The following FILIP1 variants were observed in gnomAD, a reference collection of about 807,000 sequenced individuals.
FILIP1 encodes the protein filamin-A-interacting protein 1.
Under a neutral mutation model 102.1 loss-of-function variants are expected in FILIP1, and 61 were observed. The observed-to-expected ratio is 0.60, with a 90% CI of 0.49 to 0.74. The LOEUF (loss-of-function observed/expected upper bound fraction) is 0.74. Ranked by LOEUF, FILIP1 falls within the 30% of genes least tolerant of loss-of-function variation. The pLI is 0.00. For synonymous variants in FILIP1, 491 were observed against 526.9 expected, an observed-to-expected ratio of 0.93 and a Z score of 0.93; for missense variants, 1,314 against 1,441.2, an observed-to-expected ratio of 0.91 and a Z score of 1.43.
intron 1 of FILIP1, among the ~76,000 whole-genome samples, chr6:75,491,692 T>C (rs1053546664): frequency 3.3e-5 from 5 of 152,134 alleles, no homozygotes; most frequent in Non-Finnish European, 7.4e-5. Context: ...CAGATCTGCA[T>C]TGTAGTGGAG....
intron 2 of FILIP1, among the ~76,000 whole-genome samples, chr6:75,377,752 C>T: frequency 6.6e-6 from 1 of 152,218 alleles, no homozygotes; most frequent in Non-Finnish European, 1.5e-5. Context: ...TGTGCTTCTT[C>T]TTTTCAAAGC....
chr6:75,344,141 T>C (rs1774502634), intron 4 of FILIP1, among the ~76,000 whole-genome samples: 2 of 152,178 alleles, frequency 1.3e-5, no homozygotes, highest in Admixed American at 1.3e-4. Flanking sequence ...AGAATTTCTA[T>C]GTTCTGGTGT....
At position 75,412,028 on chromosome 6, in the gene FILIP1, T is replaced by C. The variant is rs565470744; in HGVS notation, c.276+2669A>G. ...GGGCAGTGTGGCCATTTTCATGATA[T>C]TGATTCTTCCTATCCATGAGCATGG... On this transcript the variant is annotated intron_variant, in intron 2 of 5. Coordinates refer to ENST00000237172, the MANE Select transcript of FILIP1 (RefSeq NM_015687.5). Among the ~76,000 whole-genome samples, 34 of 152,326 alleles carry C rather than the reference T, an allele frequency of 2.2e-4. 1 individual carries two copies. The highest frequency in any genetic ancestry group is 1.6e-3 in the Admixed American group (24 of 15,300).
intron 2 of FILIP1, among the ~76,000 whole-genome samples, chr6:75,378,404 A>C (rs1003602580): frequency 1.7e-4 from 26 of 152,256 alleles, no homozygotes; most frequent in African/African-American, 6.3e-4. Context: ...GAGGGCAGAC[A>C]AAAGCCTGTT....
chr6:75,344,239 G>A (rs567525973), intron 4 of FILIP1, among the ~76,000 whole-genome samples: 2 of 152,196 alleles, frequency 1.3e-5, no homozygotes, highest in South Asian at 2.1e-4. Flanking sequence ...TGTCTCATGA[G>A]GGTCTCAATG....
intron 3 of FILIP1, among the ~76,000 whole-genome samples, chr6:75,356,019 A>G (rs966419333): frequency 6.6e-6 from 1 of 152,128 alleles, no homozygotes; most frequent in African/African-American, 2.4e-5. Flanking sequence ...CTGTGTGACA[A>G]TCAAACCATC....
chr6:75,425,465 C>T (rs1777597829), intron 1 of FILIP1, among the ~76,000 whole-genome samples: 1 of 152,212 alleles, frequency 6.6e-6, no homozygotes, highest in African/African-American at 2.4e-5. Flanking sequence ...CACATAATGG[C>T]TCTTAGACTC....
chr6:75,474,349 T>A (rs1779413444), intron 1 of FILIP1, among the ~76,000 whole-genome samples: 1 of 152,190 alleles, frequency 6.6e-6, no homozygotes, highest in African/African-American at 2.4e-5. Context: ...GTTTCTAACT[T>A]TTCACTGTAA....
At chr6:75,388,081 A>G (rs1187854430) in intron 2 of FILIP1, among the ~76,000 whole-genome samples, 4 of 152,166 alleles carry the variant, frequency 2.6e-5, no homozygotes, top group African/African-American at 7.2e-5. Flanking sequence ...GAAGGGGTCC[A>G]GTTTCAGTTT....
Position 75,314,749 on chromosome 6 carries a change from T to A in FILIP1, c.1083A>T (p.Glu361Asp). The change falls in exon 5 of 6, where the codon GAA becomes GAT. Residue 361 changes from glutamate (E) to aspartate (D), a missense_variant. Coordinates refer to ENST00000237172, the MANE Select transcript of FILIP1 (RefSeq NM_015687.5). ...CTCCTTTGGCAATTTTATCTCTTAATTCTTGAAGTTCTTCCTCTGCCTTCT... is the reference window on the plus strand; with the variant it reads ...CTCCTTTGGCAATTTTATCTCTTAAATCTTGAAGTTCTTCCTCTGCCTTCT... ...NLQKAEEELQ[E>D]LRDKIAKGEC... 6.2e-7 allele frequency: 1 copy of A among 1,614,196 alleles called. No homozygotes were observed. The highest frequency in any genetic ancestry group is 8.5e-7 in the Non-Finnish European group (1 of 1,180,022).
At chr6:75,424,162 T>G (rs1355707365) in intron 1 of FILIP1, among the ~76,000 whole-genome samples, 1 of 152,174 alleles carries the variant, frequency 6.6e-6, no homozygotes, top group East Asian at 1.9e-4. Context: ...AACACAGGTC[T>G]GTTTGGATTC....
intron 2 of FILIP1, among the ~76,000 whole-genome samples, chr6:75,392,527 A>T (rs1156802165): frequency 6.6e-6 from 1 of 152,194 alleles, no homozygotes; most frequent in Non-Finnish European, 1.5e-5. Context: ...TTGCTCAGGC[A>T]AACAACCTTG....
At chr6:75,327,632 G>A (rs1773914872) in intron 4 of FILIP1, among the ~76,000 whole-genome samples, 1 of 150,514 alleles carries the variant, frequency 6.6e-6, no homozygotes, top group African/African-American at 2.4e-5. Flanking sequence ...ACACTCTCCA[G>A]ATCTCCCTCA....
intron 4 of FILIP1, among the ~76,000 whole-genome samples, chr6:75,338,850 G>T (rs1242259582): frequency 6.6e-6 from 1 of 152,032 alleles, no homozygotes; most frequent in African/African-American, 2.4e-5. Flanking sequence ...GGAATGCGGG[G>T]AACAAAAACT....
chr6:75,306,512 C>T (rs983497811), downstream of FILIP1, among the ~76,000 whole-genome samples: 5 of 152,182 alleles, frequency 3.3e-5, no homozygotes, highest in South Asian at 2.1e-4. Flanking sequence ...AAATACTTCA[C>T]AAATGTCAGG....
Position 75,353,657 on chromosome 6 carries a change from G to GC in FILIP1, c.510dup (p.Leu171AlafsTer7), listed in dbSNP as rs775544032. On this transcript the variant is annotated frameshift_variant, in exon 4 of 6. Transcript: ENST00000237172. LOFTEE classifies it high-confidence loss of function. ...GTGCGCCTATGACACTTCTCGGCCA[G>GC]CAACAGCTGCTCTAGCATGCGCCGG... The GC allele has an allele frequency of 6.2e-7, 1 of 1,614,134 alleles. No homozygotes were observed. The highest frequency in any genetic ancestry group is 2.2e-5 in the East Asian group (1 of 44,890).
At chr6:75,458,588 G>C (rs1014345598) in intron 1 of FILIP1, 6 of 152,126 alleles carry the variant, frequency 3.9e-5, no homozygotes, top group Admixed American at 3.9e-4. Flanking sequence ...TTCTCCAATA[G>C]AAAACATCAG....
chr6:75,489,907 A>T (rs1355664476), intron 1 of FILIP1, among the ~76,000 whole-genome samples: 1 of 151,882 alleles, frequency 6.6e-6, no homozygotes, highest in Non-Finnish European at 1.5e-5. Flanking sequence ...TTTTCTCTTA[A>T]ACCTTTCTGT....
At chr6:75,353,357 G>T (rs962663028) in intron 4 of FILIP1, among the ~76,000 whole-genome samples, 182 bp downstream of exon 4, 3 of 152,198 alleles carry the variant, frequency 2.0e-5, no homozygotes, top group Non-Finnish European at 4.4e-5. Context: ...AAACATTCAT[G>T]TAATAATCTC....
Sources: gnomAD v4.1 joint callset for allele counts (sites outside exome capture counted in the v4.1 genomes callset) on GRCh38, gnomAD v4.1.1 for gene constraint, MANE v1.5 for transcripts, NCBI Gene and HGNC (gene_info 2026-07-23, HGNC 2026-07-21) for gene names.